The following TBX1 variants were observed in gnomAD, a reference collection of about 807,000 sequenced individuals.
TBX1 encodes the protein T-box transcription factor 1.
TBX1 carries 16 observed loss-of-function variants against 40.8 expected under a neutral mutation model. The ratio of observed to expected loss-of-function variants is 0.39; its 90% CI spans 0.27 to 0.60. The LOEUF (loss-of-function observed/expected upper bound fraction) is 0.60, where lower values mean the gene tolerates loss of function less well. Among genes scored for constraint, TBX1 ranks in the 20% least tolerant of loss-of-function variants. The probability of loss-of-function intolerance (pLI) is 0.51; values close to 1 mark genes in which losing one functional copy is unlikely to be tolerated. For missense variants in TBX1, 755 were observed against 728.5 expected (o/e 1.04, Z -0.42); for synonymous variants, 403 against 336.8 (o/e 1.20, Z -2.15).
chr22:19,757,627 T>C (rs543757152), upstream of TBX1, among the ~76,000 whole-genome samples: 1 of 152,048 alleles, frequency 6.6e-6, no homozygotes. Context: ...CACAGGCACG[T>C]CTCCTGCAAC....
upstream of TBX1, among the ~76,000 whole-genome samples, chr22:19,758,233 A>G (rs1936530574): frequency 1.3e-5 from 2 of 152,284 alleles, no homozygotes; most frequent in South Asian, 4.1e-4. Flanking sequence ...GAGCATGCAC[A>G]AGCGAAGGCT....
chr22:19,766,321 TC>T, intron 6 of TBX1, 67 bp from the exon 7 acceptor site: 3 of 1,226,064 alleles, frequency 2.4e-6, no homozygotes, highest in Non-Finnish European at 3.1e-6. Context: ...CGCCAGGGCC[TC>T]GCATGGGGCG....
chr22:19,759,778 G>T, upstream of TBX1: 1 of 1,370,832 alleles, frequency 7.3e-7, no homozygotes, highest in African/African-American at 1.4e-5. Flanking sequence ...GCTCTTGGTA[G>T]CGTGGGCTCC....
In TBX1 at chr22:19,778,348, G is replaced by A. The variant is rs41298650; in HGVS notation, c.1010-872G>A. Among the ~76,000 whole-genome samples the A allele has an allele frequency of 8.6e-3, 1,302 of 152,006 alleles. 12 individuals are homozygous for A. The highest frequency in any genetic ancestry group is 0.021 in the South Asian group (99 of 4,822). On this transcript the variant is annotated intron_variant, in intron 8 of 8. Coordinates refer to the TBX1 transcript ENST00000329705. ...ACTCCTGAGCTCAAGTGATCCTCCC[G>A]CTTTTGCCCTCCAAAGCACTGGGAT...
chr22:19,765,633 G>A, intron 4 of TBX1, 125 bp from the exon 5 acceptor site: 2 of 1,061,668 alleles, frequency 1.9e-6, no homozygotes, highest in Non-Finnish European at 2.8e-6. Context: ...GACGTGGACT[G>A]GTTCTTGTCA....
chr22:19,771,969 T>TA (rs1412258932), downstream of TBX1, among the ~76,000 whole-genome samples: 1 of 152,210 alleles, frequency 6.6e-6, no homozygotes, highest in African/African-American at 2.4e-5. Context: ...CTCCAGCCCT[T>TA]ACAGTGGCCC....
chr22:19,771,674 C>T (rs913969447), downstream of TBX1, among the ~76,000 whole-genome samples: 2 of 152,220 alleles, frequency 1.3e-5, no homozygotes, highest in African/African-American at 4.8e-5. Context: ...CAGTGCAGAC[C>T]CCCAGAAGCT....
At chr22:19,766,132 G>C in intron 6 of TBX1, 130 bp downstream of exon 6, 2 of 880,976 alleles carry the variant, frequency 2.3e-6, no homozygotes, top group South Asian at 5.4e-5. Flanking sequence ...AACGGCCGCG[G>C]CGGCGGGCAA....
intron 8 of TBX1, among the ~76,000 whole-genome samples, chr22:19,777,332 T>C (rs1328836578): frequency 6.6e-6 from 1 of 152,174 alleles, no homozygotes; most frequent in Non-Finnish European, 1.5e-5. Flanking sequence ...GTCCTTGCGA[T>C]AGTTTGCTGA....
chr22:19,761,313 C>T (rs1281385443), intron 1 of TBX1, 33 bp downstream of exon 1: 2 of 1,522,282 alleles, frequency 1.3e-6, no homozygotes, highest in Non-Finnish European at 1.8e-6. Flanking sequence ...CGCGACCCTC[C>T]CCACGTGCTG....
At chr22:19,763,010 T>G (rs1276513429) in intron 1 of TBX1, among the ~76,000 whole-genome samples, 1 of 152,158 alleles carries the variant, frequency 6.6e-6, no homozygotes, top group Non-Finnish European at 1.5e-5. Context: ...GCCATTTCTG[T>G]GTCCAGGAAC....
upstream of TBX1, among the ~76,000 whole-genome samples, chr22:19,759,180 G>A (rs1318855634): frequency 2.0e-5 from 3 of 152,242 alleles, no homozygotes; most frequent in East Asian, 3.9e-4. Flanking sequence ...GAGAAAGGCC[G>A]TGCCTTGGCA....
downstream of TBX1, among the ~76,000 whole-genome samples, chr22:19,772,187 C>G (rs930328909): frequency 6.6e-6 from 1 of 152,198 alleles, no homozygotes; most frequent in Non-Finnish European, 1.5e-5. Flanking sequence ...ACTGCAACTT[C>G]CGCCTCCTGG....
chr22:19,761,321 C>T lies in TBX1; in HGVS notation c.437+41C>T, dbSNP rs773574784. 11 of 1,518,138 alleles carry T rather than the reference C, an allele frequency of 7.2e-6. No homozygotes were observed. The South Asian group carries it at 1.2e-4, about 16-fold the overall frequency. The allele number at this position is 1,518,138 out of a possible 1,614,324, so 94.0% of individuals were successfully genotyped here. ...CCCACGCCGCGACCCTCCCCACGTG[C>T]TGCCGCCAGGGCTGCGGGCCTCCGC... On this transcript the variant is annotated intron_variant, in intron 1 of 6. Coordinates refer to ENST00000649276, the MANE Select transcript of TBX1 (RefSeq NM_001379200.1).
At position 19,765,040 on chromosome 22, in the gene TBX1, C is replaced by T. The variant is rs776429167; in HGVS notation, c.794C>T (p.Ala265Val). ...VDPRKDSEKYAEENFKTFVFE... is the reference protein window; with the variant it reads ...VDPRKDSEKYVEENFKTFVFE... ...CCACGCAAAGATAGCGAGAAATATGCCGAGGAGAACTTCAAAACCTTTGTG... is the reference window on the plus strand; with the variant it reads ...CCACGCAAAGATAGCGAGAAATATGTCGAGGAGAACTTCAAAACCTTTGTG... The change falls in exon 4 of 7, where the codon GCC becomes GTC. Residue 265 changes from alanine (A) to valine (V), a missense_variant. Around this residue, in one of 3 missense-constraint regions of TBX1, gnomAD observed 144 missense variants for 238.0 expected, o/e 0.61. Coordinates refer to ENST00000649276, the MANE Select transcript of TBX1 (RefSeq NM_001379200.1). 3 of 1,614,218 alleles carry T rather than the reference C, an allele frequency of 1.9e-6. No homozygotes were observed. The highest frequency in any genetic ancestry group is 1.1e-5 in the South Asian group (1 of 91,078).
chr22:19,775,539 C>G (rs1937051589), intron 8 of TBX1, among the ~76,000 whole-genome samples: 1 of 152,184 alleles, frequency 6.6e-6, no homozygotes, highest in Non-Finnish European at 1.5e-5. Flanking sequence ...GCAGTCTTGC[C>G]CCCTGGGGTG....
chr22:19,766,960 T>C lies in TBX1; in HGVS notation c.*93T>C. ...GCCCCAAGGGCAAGCAAGGAATACG[T>C]TCCCCCAGCCCCAGGGGCCACCGCG... On this transcript the variant is annotated 3_prime_UTR_variant, in exon 7 of 7. Coordinates refer to ENST00000649276, the MANE Select transcript of TBX1 (RefSeq NM_001379200.1). 6.7e-7 allele frequency: 1 copy of C among 1,502,120 alleles called. No homozygotes were observed. 93.0% of individuals were successfully genotyped at this position (1,502,120 alleles called of 1,614,324 possible).
At chr22:19,764,569 T>A (rs987587838) in intron 3 of TBX1, among the ~76,000 whole-genome samples, 1 of 152,216 alleles carries the variant, frequency 6.6e-6, no homozygotes, top group African/African-American at 2.4e-5. Flanking sequence ...CTAGTGGGCC[T>A]GGGCCCTGGG....
chr22:19,763,657 CCGGCCTGAG>C, intron 2 of TBX1: 1 of 453,130 alleles, frequency 2.2e-6, no homozygotes, highest in South Asian at 2.4e-5. Context: ...TCCCAGGAGG[CCGGCCTGAG>C]CGCCTAGTCC....
Sources: allele counts gnomAD v4.1 joint callset (sites outside exome capture counted in the v4.1 genomes callset), GRCh38; gene constraint gnomAD v4.1.1; regional missense constraint gnomAD v4.1.1; transcripts MANE v1.5; gene names NCBI Gene and HGNC (gene_info 2026-07-23, HGNC 2026-07-21).